Variants in N4BP1 observed in about 807,000 individuals in gnomAD.
The protein encoded by N4BP1 is NEDD4-binding protein 1.
N4BP1 carries 21 observed loss-of-function variants against 70.9 expected under a neutral mutation model. The observed-to-expected ratio is 0.30, with a 90% CI of 0.21 to 0.43. The LOEUF is 0.43. Among genes scored for constraint, N4BP1 ranks in the 20% least tolerant of loss-of-function variants. The pLI is 1.00. For missense variants in N4BP1, 936 were observed against 1,069.4 expected, an observed-to-expected ratio of 0.88 and a Z score of 1.74; for synonymous variants, 387 against 394.6, an observed-to-expected ratio of 0.98 and a Z score of 0.23.
At position 48,609,824 on chromosome 16, in the gene N4BP1, C is replaced by T. The variant is rs1341064117; in HGVS notation, c.149G>A (p.Arg50His). 1.3e-6 allele frequency: 2 copies of T among 1,486,204 alleles called. No individual in the cohort carries two copies. Among genetic ancestry groups the T allele is most frequent in the Non-Finnish European group, 1.8e-6 (2 of 1,123,032 alleles). The allele number at this position is 1,486,204 out of a possible 1,614,324, so 92.1% of individuals were successfully genotyped here. Residue 50 changes from arginine to histidine, a missense_variant, in exon 1 of 7, where the codon CGC (arginine) becomes CAC (histidine). Transcript: ENST00000262384. ...ALGAEEPLPA[R>H]IWLQLCGAQE... The stretch of plus-strand genomic sequence containing the variant: ...CGCCCCGCAGAGCTGCAGCCAGATG[C>T]GCGCGGGCAGCGGCTCCTCAGCCCC...
intron 1 of N4BP1, 54 bp downstream of exon 1, chr16:48,609,721 G>A (rs376473924): frequency 2.4e-6 from 3 of 1,241,376 alleles, no homozygotes; most frequent in East Asian, 3.3e-5. Flanking sequence ...GCGGGAGCCC[G>A]GAGACCCGGA....
chr16:48,573,782 A>T (rs1226671347), intron 1 of N4BP1, among the ~76,000 whole-genome samples: 1 of 152,218 alleles, frequency 6.6e-6, no homozygotes, highest in Non-Finnish European at 1.5e-5. Context: ...CAGTCAATTA[A>T]TATAATTTTG....
intron 1 of N4BP1, among the ~76,000 whole-genome samples, chr16:48,584,353 C>T (rs1438493111): frequency 6.6e-6 from 1 of 152,132 alleles, no homozygotes; most frequent in Non-Finnish European, 1.5e-5. Flanking sequence ...ATTATTTTTA[C>T]CTGTGATTCA....
chr16:48,572,590 A>G (rs907357603), intron 1 of N4BP1, among the ~76,000 whole-genome samples: 1 of 152,204 alleles, frequency 6.6e-6, no homozygotes, highest in African/African-American at 2.4e-5. Flanking sequence ...GTATCTGACA[A>G]TGAAATTCAC....
intron 1 of N4BP1, among the ~76,000 whole-genome samples, chr16:48,565,061 A>T (rs1385129020): frequency 2.0e-5 from 3 of 152,222 alleles, no homozygotes; most frequent in Non-Finnish European, 2.9e-5. Context: ...AAGTTCAAGG[A>T]TCTGTGTGTA....
chr16:48,583,189 A>G (rs1467308763), intron 1 of N4BP1, among the ~76,000 whole-genome samples: 1 of 152,242 alleles, frequency 6.6e-6, no homozygotes, highest in African/African-American at 2.4e-5. Flanking sequence ...GCAAATACCA[A>G]AATATGGTAA....
At chr16:48,593,782 G>A (rs1964370931) in intron 1 of N4BP1, among the ~76,000 whole-genome samples, 1 of 152,094 alleles carries the variant, frequency 6.6e-6, no homozygotes, top group Non-Finnish European at 1.5e-5. Flanking sequence ...AGCCGAGGCA[G>A]GCGGATCACC....
At chr16:48,588,377 C>G (rs907917101) in intron 1 of N4BP1, among the ~76,000 whole-genome samples, 1 of 151,242 alleles carries the variant, frequency 6.6e-6, no homozygotes, top group East Asian at 1.9e-4. Context: ...TCATGGCAAC[C>G]TTCGCCTCTC....
At chr16:48,565,995 TTC>T (rs1963938108) in intron 1 of N4BP1, among the ~76,000 whole-genome samples, 1 of 152,166 alleles carries the variant, frequency 6.6e-6, no homozygotes, top group African/African-American at 2.4e-5. Context: ...AGTTTGCAGC[TTC>T]TCTCATCTTT....
intron 1 of N4BP1, among the ~76,000 whole-genome samples, chr16:48,565,410 A>T (rs1472063895): frequency 1.3e-5 from 2 of 152,206 alleles, no homozygotes; most frequent in Admixed American, 6.5e-5. Flanking sequence ...TAATCCTGTG[A>T]TTATTTTTCT....
intron 4 of N4BP1, among the ~76,000 whole-genome samples, chr16:48,548,880 G>A (rs568190615): frequency 1.1e-4 from 16 of 151,226 alleles, no homozygotes; most frequent in Non-Finnish European, 2.2e-4. Context: ...ACACTGCTCT[G>A]ATTTAAAAAG....
intron 1 of N4BP1, among the ~76,000 whole-genome samples, chr16:48,572,155 C>T (rs1213480685): frequency 6.6e-6 from 1 of 152,184 alleles, no homozygotes; most frequent in Non-Finnish European, 1.5e-5. Flanking sequence ...GCCATGTTTG[C>T]ACCACTGCAC....
chr16:48,575,919 C>T (rs535979507), intron 1 of N4BP1, among the ~76,000 whole-genome samples: 1 of 152,282 alleles, frequency 6.6e-6, no homozygotes, highest in East Asian at 1.9e-4. Context: ...TCAAGTCAAC[C>T]ACAAGTCACT....
intron 1 of N4BP1, among the ~76,000 whole-genome samples, chr16:48,594,788 T>C (rs1028289958): frequency 9.2e-5 from 14 of 152,246 alleles, no homozygotes; most frequent in African/African-American, 3.4e-4. Flanking sequence ...AATTCTAATA[T>C]GCCTCACTAT....
chr16:48,548,613 G>A (rs1246113853), intron 4 of N4BP1, among the ~76,000 whole-genome samples: 1 of 152,114 alleles, frequency 6.6e-6, no homozygotes, highest in Non-Finnish European at 1.5e-5. Context: ...TTGGGAGGTT[G>A]AGGTGGGCGG....
intron 4 of N4BP1, among the ~76,000 whole-genome samples, chr16:48,549,316 A>G (rs113208955): frequency 1.1e-3 from 173 of 152,258 alleles, no homozygotes; most frequent in African/African-American, 3.1e-3. Context: ...AACTGGTGTG[A>G]GTTGTAAGTG....
At chr16:48,555,773 T>C (rs1013637915) in intron 2 of N4BP1, among the ~76,000 whole-genome samples, 1 of 152,160 alleles carries the variant, frequency 6.6e-6, no homozygotes, top group Non-Finnish European at 1.5e-5. Flanking sequence ...CAGCCCTAAT[T>C]TGAAAATCCA....
chr16:48,568,869 A>G (rs1963977788), intron 1 of N4BP1, among the ~76,000 whole-genome samples: 1 of 152,056 alleles, frequency 6.6e-6, no homozygotes, highest in East Asian at 1.9e-4. Flanking sequence ...GGGTGTGCAA[A>G]TCTTTGGGTT....
intron 1 of N4BP1, chr16:48,600,359 T>G: frequency 1.3e-6 from 1 of 773,992 alleles, no homozygotes; most frequent in African/African-American, 1.7e-5. Flanking sequence ...TTACACTGGA[T>G]AATTCATTTG....
Sources: gnomAD v4.1 joint callset for allele counts (sites outside exome capture counted in the v4.1 genomes callset) on GRCh38, gnomAD v4.1.1 for gene constraint, MANE v1.5 for transcripts, NCBI Gene and HGNC (gene_info 2026-07-23, HGNC 2026-07-21) for gene names.